ZFHX3: variants seen among roughly 807,000 people sequenced by gnomAD.
ZFHX3 encodes zinc finger homeobox 3, also known as zinc finger homeobox protein 3.
A neutral mutation model predicts 279.1 loss-of-function variants in ZFHX3; 42 were observed. That is an observed-to-expected ratio of 0.15 (90% CI 0.12 to 0.19). The LOEUF is 0.19. Ranked by LOEUF, ZFHX3 falls within the 10% of genes least tolerant of loss-of-function variation. The pLI, the probability that ZFHX3 is intolerant of heterozygous loss-of-function variation, is 1.00. For missense variants in ZFHX3, 4,981 were observed against 4,754.0 expected, an observed-to-expected ratio of 1.05 and a Z score of -1.40; for synonymous variants, 2,293 against 1,957.8, an observed-to-expected ratio of 1.17 and a Z score of -4.52.
chr16:73,079,019 C>A (rs1252173670), intron 8 of ZFHX3, among the ~76,000 whole-genome samples: 1 of 152,036 alleles, frequency 6.6e-6, no homozygotes, highest in Non-Finnish European at 1.5e-5. Context: ...CTTTTACCAC[C>A]TCCTCTTTTT....
chr16:73,057,879 A>G (rs2144737679), intron 1 of ZFHX3, among the ~76,000 whole-genome samples: 1 of 148,682 alleles, frequency 6.7e-6, no homozygotes, highest in South Asian at 2.2e-4. Flanking sequence ...CGGCCGCGGC[A>G]GCAGCAGTGG....
At chr16:73,817,950 C>T (rs1027722940) in intron 1 of ZFHX3, among the ~76,000 whole-genome samples, 3 of 152,084 alleles carry the variant, frequency 2.0e-5, no homozygotes, top group Non-Finnish European at 4.4e-5. Flanking sequence ...ACTAATGCCA[C>T]GGGAAGGCCA....
intron 1 of ZFHX3, among the ~76,000 whole-genome samples, chr16:73,025,460 C>T (rs971966632): frequency 1.3e-5 from 2 of 152,220 alleles, no homozygotes; most frequent in Admixed American, 6.5e-5. Context: ...AGTGTTTCCC[C>T]GTATTGTGGA....
At chr16:73,518,717 T>G (rs1282953017) in intron 2 of ZFHX3, among the ~76,000 whole-genome samples, 2 of 152,242 alleles carry the variant, frequency 1.3e-5, no homozygotes, top group Non-Finnish European at 2.9e-5. Context: ...GAAACCCATC[T>G]ATCTAACATA....
chr16:73,857,943 A>G (rs2142386770), intron 1 of ZFHX3, among the ~76,000 whole-genome samples: 1 of 152,180 alleles, frequency 6.6e-6, no homozygotes, highest in African/African-American at 2.4e-5. Flanking sequence ...CGAAGATACA[A>G]AAATTAGCAG....
At chr16:73,338,922 A>G (rs932502309) in intron 3 of ZFHX3, among the ~76,000 whole-genome samples, 4 of 152,058 alleles carry the variant, frequency 2.6e-5, no homozygotes, top group Admixed American at 2.6e-4. Flanking sequence ...AATGTGTGGC[A>G]CCTACCCCCT....
At chr16:73,117,565 G>T (rs999194209) in intron 7 of ZFHX3, among the ~76,000 whole-genome samples, 1 of 152,186 alleles carries the variant, frequency 6.6e-6, no homozygotes, top group Non-Finnish European at 1.5e-5. Flanking sequence ...TTAGTTTTTG[G>T]GGGGATGAGT....
intron 6 of ZFHX3, among the ~76,000 whole-genome samples, chr16:73,142,015 C>T (rs929650862): frequency 6.6e-5 from 10 of 152,218 alleles, no homozygotes; most frequent in African/African-American, 2.4e-4. Flanking sequence ...CTGAACAAGG[C>T]TGCGATGAAG....
intron 7 of ZFHX3, among the ~76,000 whole-genome samples, chr16:73,103,743 T>A (rs1200028876): frequency 2.0e-5 from 3 of 152,182 alleles, no homozygotes; most frequent in Non-Finnish European, 4.4e-5. Flanking sequence ...ATTGTGGCAG[T>A]GGCCTCAATG....
chr16:72,798,345 T>C lies in ZFHX3; in HGVS notation c.4337A>G (p.Lys1446Arg). ...CTCCAGGTGGCTTGTCTCAAGGTGC[T>C]TCTTCAGAGCCTGGAAAGTTCGGAA... Reference protein sequence around the residue: ...RSFRTFQALKKHLETSHLELS... With the variant: ...RSFRTFQALKRHLETSHLELS... The change falls in exon 9 of 10, where the codon AAG (lysine) becomes AGG (arginine). Residue 1446 changes from lysine (K) to arginine (R), a missense_variant. Coordinates refer to ENST00000268489, the MANE Select transcript of ZFHX3 (RefSeq NM_006885.4). 1 of 1,614,202 alleles carries C rather than the reference T, an allele frequency of 6.2e-7. No homozygotes were observed. The highest frequency in any genetic ancestry group is 8.5e-7 in the Non-Finnish European group (1 of 1,180,038).
chr16:73,821,522 G>A (rs928356306), intron 1 of ZFHX3, among the ~76,000 whole-genome samples: 1 of 152,178 alleles, frequency 6.6e-6, no homozygotes, highest in Non-Finnish European at 1.5e-5. Context: ...TGTAAACTGG[G>A]AATTACCCCT....
intron 7 of ZFHX3, chr16:72,809,594 G>A (rs958814435): frequency 1.3e-5 from 2 of 152,196 alleles, no homozygotes; most frequent in Non-Finnish European, 1.5e-5. Flanking sequence ...CCCATTGGCT[G>A]CTAAAGTTCT....
At chr16:73,092,470 C>T (rs1966095188) in intron 8 of ZFHX3, 1 of 156,824 alleles carries the variant, frequency 6.4e-6, no homozygotes, top group African/African-American at 2.4e-5. Flanking sequence ...CGTGAGACAA[C>T]TGTGGGGAGA....
At chr16:73,269,487 G>A (rs920813033) in intron 4 of ZFHX3, among the ~76,000 whole-genome samples, 49 of 152,176 alleles carry the variant, frequency 3.2e-4, no homozygotes. Context: ...ATGTTCCCTT[G>A]TGTATCAGCA....
At chr16:73,748,720 G>GA (rs962019892) in intron 1 of ZFHX3, among the ~76,000 whole-genome samples, 2 of 152,262 alleles carry the variant, frequency 1.3e-5, no homozygotes, top group African/African-American at 4.8e-5. Flanking sequence ...TGGTCTTATA[G>GA]AAAAAATGGA....
rs1009687824 is a variant in ZFHX3, at chr16:72,784,011, A to T, written c.*3153T>A. On this transcript the variant is annotated 3_prime_UTR_variant, in exon 10 of 10. Coordinates refer to ENST00000268489, the MANE Select transcript of ZFHX3 (RefSeq NM_006885.4). ...TGGGTTAGTGCTGAGAATTATTCTT[A>T]CTTTTTTCAATGAACATATATGTGG... 6.6e-6 allele frequency: 1 copy of T among 152,284 alleles called. No individual in the cohort carries two copies. The highest frequency in any genetic ancestry group is 1.5e-5 in the Non-Finnish European group (1 of 68,044). The allele number at this position is 152,284 out of a possible 1,614,324, so 9.4% of individuals were successfully genotyped here.
At chr16:73,267,599 C>T (rs1168350915) in intron 4 of ZFHX3, among the ~76,000 whole-genome samples, 2 of 152,082 alleles carry the variant, frequency 1.3e-5, no homozygotes, top group Non-Finnish European at 2.9e-5. Context: ...TGCCTTTTCC[C>T]TCTTGAACCC....
chr16:72,899,239 G>T (rs1026499639), intron 3 of ZFHX3, among the ~76,000 whole-genome samples: 4 of 152,136 alleles, frequency 2.6e-5, no homozygotes, highest in African/African-American at 9.7e-5. Context: ...TAATCCCCAT[G>T]TATCATGGTA....
At chr16:73,397,024 A>G (rs727013) in intron 3 of ZFHX3, among the ~76,000 whole-genome samples, 124,824 of 152,234 alleles carry the variant, frequency 0.82, 51,388 homozygotes, top group Non-Finnish European at 0.85. Context: ...ATAAGGAAAT[A>G]AACCTAAGCG....
Sources: allele counts gnomAD v4.1 joint callset (sites outside exome capture counted in the v4.1 genomes callset), GRCh38; gene constraint gnomAD v4.1.1; transcripts MANE v1.5; gene names NCBI Gene and HGNC (gene_info 2026-07-23, HGNC 2026-07-21).